ETV1: variants seen among roughly 807,000 people sequenced by gnomAD.
The protein encoded by ETV1 is ETS translocation variant 1.
In ETV1, 27 loss-of-function variants were observed where a neutral mutation model predicts 62.3. The observed-to-expected ratio is 0.43, with a 90% confidence interval of 0.32 to 0.60. The LOEUF is 0.60. Among genes scored for constraint, ETV1 ranks in the 20% least tolerant of loss-of-function variants. The pLI, the probability that ETV1 is intolerant of heterozygous loss-of-function variation, is 0.06. For missense variants in ETV1, 605 were observed against 605.8 expected (o/e 1.00, Z 0.01); for synonymous variants, 222 against 199.6 (o/e 1.11, Z -0.94).
In ETV1 at chr7:13,891,973, A is replaced by C. The variant is rs944142747; in HGVS notation, c.*3893T>G. The C allele has an allele frequency of 4.3e-6, 1 of 231,832 alleles. No individual in the cohort carries two copies. The highest frequency in any genetic ancestry group is 2.2e-5 in the African/African-American group (1 of 45,282). 14.4% of individuals were successfully genotyped at this position (231,832 alleles called of 1,614,324 possible). ...ACAAGCTCTGAAAAGGCTGCATGAT[A>C]GACAAAGTGGCTCATTTTAGAAATC... On this transcript the variant is annotated 3_prime_UTR_variant, in exon 14 of 14. Coordinates refer to ENST00000430479, the MANE Select transcript of ETV1 (RefSeq NM_004956.5).
At chr7:13,938,128 A>G (rs762152039) in intron 7 of ETV1, among the ~76,000 whole-genome samples, 9 of 152,108 alleles carry the variant, frequency 5.9e-5, no homozygotes, top group African/African-American at 2.2e-4. Context: ...TATTTTCAGT[A>G]GAGACGAGGT....
chr7:13,933,580 A>G (rs905852822), intron 8 of ETV1, among the ~76,000 whole-genome samples: 1 of 152,208 alleles, frequency 6.6e-6, no homozygotes, highest in Non-Finnish European at 1.5e-5. Flanking sequence ...GCCGTAAAGC[A>G]TTCCCAGAGT....
intron 6 of ETV1, among the ~76,000 whole-genome samples, chr7:13,943,007 C>G (rs562253746): frequency 6.6e-6 from 1 of 151,928 alleles, no homozygotes; most frequent in Admixed American, 6.6e-5. Flanking sequence ...ATTAAGAACA[C>G]TTTTTCAAAA....
chr7:13,926,618 A>G (rs1323430859), intron 9 of ETV1, among the ~76,000 whole-genome samples: 1 of 152,200 alleles, frequency 6.6e-6, no homozygotes, highest in Non-Finnish European at 1.5e-5. Context: ...ATGAAAAAAA[A>G]TATCATGTTG....
chr7:13,935,691 T>C lies in ETV1; in HGVS notation c.554+17A>G. On this transcript the variant is annotated intron_variant, in intron 8 of 13. Transcript: ENST00000430479. ...ACGCAAAAAACAGTTTCTAGAAAAC[T>C]GGTATCTGCAGGTTACCTGTGGTCC... The C allele has an allele frequency of 6.2e-7, 1 of 1,600,782 alleles. No individual in the cohort carries two copies. Among genetic ancestry groups the C allele is most frequent in the Non-Finnish European group, 8.5e-7 (1 of 1,172,084 alleles).
chr7:13,915,600 A>G (rs1312271758), intron 9 of ETV1, among the ~76,000 whole-genome samples: 2 of 152,166 alleles, frequency 1.3e-5, no homozygotes, highest in African/African-American at 4.8e-5. Flanking sequence ...GGATGCATAG[A>G]TTACCTGAGT....
intron 13 of ETV1, among the ~76,000 whole-genome samples, chr7:13,897,193 G>T (rs1781938992): frequency 6.6e-6 from 1 of 152,106 alleles, no homozygotes; most frequent in Non-Finnish European, 1.5e-5. Flanking sequence ...TATTAACTTT[G>T]ATAGTCACTT....
intron 6 of ETV1, among the ~76,000 whole-genome samples, chr7:13,945,295 A>T: frequency 6.6e-6 from 1 of 152,100 alleles, no homozygotes; most frequent in African/African-American, 2.4e-5. Context: ...GTTTTTTTTA[A>T]AAATCCAGCA....
In ETV1 at chr7:13,891,547, C is replaced by G; in HGVS notation, c.*4319G>C. 4.3e-6 allele frequency: 1 copy of G among 231,592 alleles called. No individual in the cohort carries two copies. The highest frequency in any genetic ancestry group is 8.5e-6 in the Non-Finnish European group (1 of 117,258). The allele number at this position is 231,592 out of a possible 1,614,324, so 14.3% of individuals were successfully genotyped here. A position where few individuals can be genotyped will look rare whatever the true frequency, so the allele number is the denominator to read the frequency against. ...ATCCACTTAGTCTAATCAAATTCTC[C>G]TCTTAAACTGTACTTTCCATAAACT... is the stretch of plus-strand genomic sequence containing the variant. On this transcript the variant is annotated 3_prime_UTR_variant, in exon 14 of 14. Coordinates refer to ENST00000430479, the MANE Select transcript of ETV1 (RefSeq NM_004956.5).
chr7:13,977,577 C>G (rs1781579493), intron 5 of ETV1, 97 bp from the exon 6 acceptor site: 1 of 811,866 alleles, frequency 1.2e-6, no homozygotes, highest in Non-Finnish European at 2.0e-6. Flanking sequence ...TCTTCTTGGG[C>G]TGAGATCAAA....
chr7:13,962,895 G>A (rs1790353626), intron 6 of ETV1, among the ~76,000 whole-genome samples: 1 of 151,996 alleles, frequency 6.6e-6, no homozygotes, highest in African/African-American at 2.4e-5. Context: ...ATATATATAT[G>A]TATACACGGA....
intron 5 of ETV1, among the ~76,000 whole-genome samples, chr7:13,980,775 A>G (rs931023689): frequency 7.2e-5 from 11 of 152,058 alleles, no homozygotes; most frequent in African/African-American, 2.7e-4. Context: ...TTATTATCCA[A>G]AGTTGTTTTA....
intron 6 of ETV1, among the ~76,000 whole-genome samples, chr7:13,953,437 T>C (rs1789053058): frequency 6.6e-6 from 1 of 152,182 alleles, no homozygotes; most frequent in Non-Finnish European, 1.5e-5. Flanking sequence ...AGTAATTCTG[T>C]AGTTTGTTTC....
At position 13,893,687 on chromosome 7, in the gene ETV1, A is replaced by T; in HGVS notation, c.*2179T>A. The T allele has an allele frequency of 4.3e-6, 1 of 232,796 alleles. No homozygotes were observed. The allele number at this position is 232,796 out of a possible 1,614,324, so 14.4% of individuals were successfully genotyped here. On this transcript the variant is annotated 3_prime_UTR_variant, in exon 14 of 14. Coordinates refer to ENST00000430479, the MANE Select transcript of ETV1 (RefSeq NM_004956.5). ...ACAGTTTTCATTCAGAATATATTTT[A>T]AAGACTCACTTAAATTTTCTCCTTC...
In ETV1 at chr7:13,895,850, T is replaced by C; in HGVS notation, c.*16A>G. 1 of 1,598,952 alleles carries C rather than the reference T, an allele frequency of 6.3e-7. No individual in the cohort carries two copies. Among genetic ancestry groups the C allele is most frequent in the South Asian group, 1.1e-5 (1 of 90,220 alleles). Reference sequence around the variant, plus strand: ...AAGGAAAAGCGCAAAAACGCCCTGCTTGACTGTCACTTGTGTTAATACACG... The same window carrying C: ...AAGGAAAAGCGCAAAAACGCCCTGCCTGACTGTCACTTGTGTTAATACACG... On this transcript the variant is annotated 3_prime_UTR_variant, in exon 14 of 14. Transcript: ENST00000430479.
intron 6 of ETV1, among the ~76,000 whole-genome samples, chr7:13,948,772 G>A (rs926583520): frequency 1.3e-5 from 2 of 152,146 alleles, no homozygotes; most frequent in South Asian, 2.1e-4. Flanking sequence ...ATAAAAAAAG[G>A]AGAAGGAAAA....
chr7:13,963,433 C>T (rs530102908), intron 6 of ETV1, among the ~76,000 whole-genome samples: 1 of 150,860 alleles, frequency 6.6e-6, no homozygotes, highest in South Asian at 2.1e-4. Flanking sequence ...CATATTTTTC[C>T]AATTTTGTAA....
chr7:13,968,859 T>C (rs561422510), intron 6 of ETV1, among the ~76,000 whole-genome samples: 5 of 152,242 alleles, frequency 3.3e-5, no homozygotes, highest in Admixed American at 2.0e-4. Flanking sequence ...ATTTTATTTC[T>C]TTTACTGGAC....
At chr7:13,950,578 G>C (rs1218925212) in intron 6 of ETV1, among the ~76,000 whole-genome samples, 1 of 152,122 alleles carries the variant, frequency 6.6e-6, no homozygotes, top group African/African-American at 2.4e-5. Context: ...AGCCTCATAA[G>C]GCAGCTGTTT....
Sources: gnomAD v4.1 joint callset for allele counts (sites outside exome capture counted in the v4.1 genomes callset) on GRCh38, gnomAD v4.1.1 for gene constraint, MANE v1.5 for transcripts, NCBI Gene and HGNC (gene_info 2026-07-23, HGNC 2026-07-21) for gene names.